Variants in VPS35 observed in about 807,000 individuals in gnomAD.
VPS35 encodes the protein vacuolar protein sorting-associated protein 35.
A neutral mutation model predicts 98.1 loss-of-function variants in VPS35; 21 were observed. That is an observed-to-expected ratio of 0.21 (90% CI 0.15 to 0.31). VPS35 has a LOEUF of 0.31. Ranked by LOEUF, VPS35 falls within the 10% of genes least tolerant of loss-of-function variation. The pLI is 1.00. For missense variants in VPS35, 554 were observed against 950.8 expected (o/e 0.58, Z 5.49); for synonymous variants, 268 against 318.2 (o/e 0.84, Z 1.68).
chr16:46,680,633 G>T (rs965119861), intron 5 of VPS35, 38 bp downstream of exon 5: 3 of 1,602,156 alleles, frequency 1.9e-6, no homozygotes, highest in African/African-American at 2.7e-5. Flanking sequence ...TACAATGAAA[G>T]AAATATTGCA....
chr16:46,668,230 A>G (rs1302068965), intron 13 of VPS35, among the ~76,000 whole-genome samples: 1 of 152,160 alleles, frequency 6.6e-6, no homozygotes, highest in Admixed American at 6.5e-5. Flanking sequence ...CCCTGTCTCT[A>G]CTAAAAATAC....
chr16:46,664,148 T>C (rs1596711319), intron 13 of VPS35, among the ~76,000 whole-genome samples: 1 of 152,026 alleles, frequency 6.6e-6, no homozygotes, highest in Admixed American at 6.6e-5. Flanking sequence ...CTAAATGTCT[T>C]CCTTTCTTTT....
intron 1 of VPS35, among the ~76,000 whole-genome samples, chr16:46,684,373 C>T (rs1966281167): frequency 6.6e-6 from 1 of 152,204 alleles, no homozygotes; most frequent in South Asian, 2.1e-4. Context: ...ACCAGCCCCT[C>T]CTTGGCAATA....
chr16:46,688,725 G>T, intron 1 of VPS35: 1 of 1,179,278 alleles, frequency 8.5e-7, no homozygotes, highest in East Asian at 4.7e-5. Flanking sequence ...CATCTGGGCG[G>T]GTCCCGGCGC....
chr16:46,687,313 G>A (rs1024599788), intron 1 of VPS35, among the ~76,000 whole-genome samples: 1 of 152,156 alleles, frequency 6.6e-6, no homozygotes, highest in Non-Finnish European at 1.5e-5. Flanking sequence ...AAATAAGGAT[G>A]ATGAGGGCAT....
At chr16:46,687,339 T>G (rs555275697) in intron 1 of VPS35, among the ~76,000 whole-genome samples, 10 of 152,194 alleles carry the variant, frequency 6.6e-5, no homozygotes, top group Non-Finnish European at 1.2e-4. Context: ...CTTCAAAATA[T>G]AATTTGAACA....
intron 12 of VPS35, among the ~76,000 whole-genome samples, chr16:46,669,920 A>G (rs1047235052): frequency 9.9e-5 from 15 of 152,208 alleles, no homozygotes; most frequent in Non-Finnish European, 2.2e-4. Flanking sequence ...ATACACAACA[A>G]CTATATGCAT....
At chr16:46,687,014 A>G (rs970442653) in intron 1 of VPS35, among the ~76,000 whole-genome samples, 3 of 152,220 alleles carry the variant, frequency 2.0e-5, no homozygotes, top group African/African-American at 7.2e-5. Flanking sequence ...CACCACTGTT[A>G]TGAAGAACAA....
intron 13 of VPS35, 46 bp downstream of exon 13, chr16:46,668,879 AGAGTG>A: frequency 6.2e-7 from 1 of 1,609,402 alleles, no homozygotes; most frequent in Non-Finnish European, 8.5e-7. Flanking sequence ...ACACACACTC[AGAGTG>A]ATGAAAGAGG....
chr16:46,666,216 C>T (rs944976792), intron 13 of VPS35, among the ~76,000 whole-genome samples: 2 of 151,492 alleles, frequency 1.3e-5, no homozygotes, highest in Non-Finnish European at 2.9e-5. Flanking sequence ...GCCCTAGCCT[C>T]TTGAGTAGCT....
chr16:46,678,875 TTC>T, intron 6 of VPS35, 66 bp downstream of exon 6: 1 of 1,525,746 alleles, frequency 6.6e-7, no homozygotes, highest in Non-Finnish European at 9.0e-7. Flanking sequence ...AACAAAAATA[TTC>T]TGATTTTAAA....
chr16:46,676,577 T>C lies in VPS35; in HGVS notation c.914+6A>G. 1 of 1,553,690 alleles carries C rather than the reference T, an allele frequency of 6.4e-7. No individual in the cohort carries two copies. Among genetic ancestry groups the C allele is most frequent in the Non-Finnish European group, 8.9e-7 (1 of 1,126,700 alleles). ...GCATTTATCCGCCAGTGTTGGAAGGTCTTACCTATCAATTAAAGCAATGAT... is the reference window on the plus strand; with the variant it reads ...GCATTTATCCGCCAGTGTTGGAAGGCCTTACCTATCAATTAAAGCAATGAT... On this transcript the variant is annotated splice_donor_region_variant and intron_variant, in intron 8 of 16. Coordinates refer to ENST00000299138, the MANE Select transcript of VPS35 (RefSeq NM_018206.6).
intron 12 of VPS35, among the ~76,000 whole-genome samples, chr16:46,670,190 A>G (rs1000114746): frequency 2.0e-5 from 3 of 152,236 alleles, no homozygotes; most frequent in Admixed American, 6.5e-5. Flanking sequence ...TGGTAGATGA[A>G]TAAGAGAATG....
chr16:46,675,388 T>A (rs1966133588), intron 8 of VPS35, among the ~76,000 whole-genome samples: 1 of 152,212 alleles, frequency 6.6e-6, no homozygotes, highest in African/African-American at 2.4e-5. Flanking sequence ...ATTTCCCACA[T>A]CTTAAATTAC....
rs1260920134 is a variant in VPS35, at chr16:46,661,881, G to A, written c.2068-20C>T. The A allele has an allele frequency of 6.2e-7, 1 of 1,613,836 alleles. No individual in the cohort carries two copies. Among genetic ancestry groups the A allele is most frequent in the African/African-American group, 1.3e-5 (1 of 74,878 alleles). The stretch of plus-strand genomic sequence containing the variant: ...GTGAAGCTAAAATAAAAGGGCAGGG[G>A]GACAGTGAAGAGATTAATGAAACAT... On this transcript the variant is annotated intron_variant, in intron 15 of 16. Coordinates refer to ENST00000299138, the MANE Select transcript of VPS35 (RefSeq NM_018206.6). The surrounding 1 kb of genome is among the most constrained non-coding windows in gnomAD (Gnocchi z 4.3).
At chr16:46,680,475 T>G (rs1293036751) in intron 5 of VPS35, among the ~76,000 whole-genome samples, 196 bp downstream of exon 5, 1 of 152,196 alleles carries the variant, frequency 6.6e-6, no homozygotes, top group Non-Finnish European at 1.5e-5. Flanking sequence ...AAAATTTGCA[T>G]AAGAGTACAT....
At chr16:46,677,052 A>T (rs1242083716) in intron 7 of VPS35, among the ~76,000 whole-genome samples, 2 of 151,918 alleles carry the variant, frequency 1.3e-5, no homozygotes, top group Non-Finnish European at 2.9e-5. Context: ...AAAAAGAAAC[A>T]CTAAAAAAAT....
rs2143005128 is a variant in VPS35 at position 46,656,952 on chromosome 16, G to C, written c.*3520C>G. On this transcript the variant is annotated 3_prime_UTR_variant, in exon 17 of 17. Coordinates refer to ENST00000299138, the MANE Select transcript of VPS35 (RefSeq NM_018206.6). ...ACTGGGGAGGCGGAGGTTGCAGTGA[G>C]CCAAGATCGCACCACTGCACTCCTG... 1 of 152,528 alleles carries C rather than the reference G, an allele frequency of 6.6e-6. No individual in the cohort carries two copies. The highest frequency in any genetic ancestry group is 1.5e-5 in the Non-Finnish European group (1 of 68,208). The allele number at this position is 152,528 out of a possible 1,614,324, so 9.4% of individuals were successfully genotyped here.
intron 13 of VPS35, among the ~76,000 whole-genome samples, chr16:46,664,247 C>T (rs564518672): frequency 6.6e-6 from 1 of 152,080 alleles, no homozygotes; most frequent in Non-Finnish European, 1.5e-5. Context: ...CCACCTCTGC[C>T]TCTTGGGTTC....
Sources: allele counts gnomAD v4.1 joint callset (sites outside exome capture counted in the v4.1 genomes callset), GRCh38; gene constraint gnomAD v4.1.1; non-coding constraint Gnocchi (gnomAD v3.1); transcripts MANE v1.5; gene names NCBI Gene and HGNC (gene_info 2026-07-23, HGNC 2026-07-21).